The following CRKL variants were observed in gnomAD, a reference collection of about 807,000 sequenced individuals.
CRKL encodes CRK like proto-oncogene, adaptor protein.
A neutral mutation model predicts 23.0 loss-of-function variants in CRKL; 3 were observed. The ratio of observed to expected loss-of-function variants is 0.13; its 90% CI spans 0.06 to 0.34. The LOEUF (loss-of-function observed/expected upper bound fraction) is 0.34, where lower values mean the gene tolerates loss of function less well. Ranked by LOEUF, CRKL falls within the 10% of genes least tolerant of loss-of-function variation. The pLI is 1.00. For missense variants in CRKL, 256 were observed against 394.5 expected (o/e 0.65, Z 2.97); for synonymous variants, 188 against 160.7 (o/e 1.17, Z -1.28).
intron 2 of CRKL, among the ~76,000 whole-genome samples, chr22:20,937,404 A>G (rs1921704456): frequency 6.6e-6 from 1 of 150,804 alleles, no homozygotes; most frequent in African/African-American, 2.4e-5. Flanking sequence ...GCTCCCAGTC[A>G]GAATTTTAGG....
At chr22:20,928,940 G>T (rs1921335380) in intron 1 of CRKL, among the ~76,000 whole-genome samples, 2 of 151,778 alleles carry the variant, frequency 1.3e-5, no homozygotes, top group South Asian at 4.2e-4. Flanking sequence ...ATTAGCACTT[G>T]GTTTAAAGAT....
chr22:20,949,615 A>C, intron 2 of CRKL, 96 bp from the exon 3 acceptor site: 7 of 1,475,658 alleles, frequency 4.7e-6, no homozygotes, highest in East Asian at 2.3e-5. Context: ...ATAATAATGT[A>C]TGGGCCCTTT....
At position 20,951,183 on chromosome 22, in the gene CRKL, A is replaced by C. The variant is rs1922260029; in HGVS notation, c.*1338A>C. 4.3e-6 allele frequency: 1 copy of C among 232,552 alleles called. No homozygotes were observed. Among genetic ancestry groups the C allele is most frequent in the Non-Finnish European group, 8.5e-6 (1 of 117,616 alleles). The allele number at this position is 232,552 out of a possible 1,614,324, so 14.4% of individuals were successfully genotyped here. A position where few individuals can be genotyped will look rare whatever the true frequency, so the allele number is the denominator to read the frequency against. On this transcript the variant is annotated 3_prime_UTR_variant, in exon 3 of 3. Coordinates refer to ENST00000354336, the MANE Select transcript of CRKL (RefSeq NM_005207.4). The stretch of plus-strand genomic sequence containing the variant: ...ATGAATCGTTCAACTCCACTCACTG[A>C]AGCCCAGACCTCCGTGCCCAGGCCC...
At position 20,933,817 on chromosome 22, in the gene CRKL, A is replaced by C. The variant is rs936540793; in HGVS notation, c.350A>C (p.Asn117Thr). The change falls in exon 2 of 3, where the codon AAC becomes ACC. Residue 117 changes from asparagine (N) to threonine (T), a missense_variant. This residue lies in a region of CRKL where 42 missense variants were observed against 32.7 expected (regional missense o/e 1.29). Transcript: ENST00000354336. ...CCAATGGGATCTGTCTCAGCACCCA[A>C]CCTGCCTACAGCAGAAGATAACCTG... is the stretch of plus-strand genomic sequence containing the variant. The part of the protein sequence containing the change: ...SPPMGSVSAP[N>T]LPTAEDNLEY... The C allele has an allele frequency of 1.9e-6, 3 of 1,614,140 alleles. No individual in the cohort carries two copies. The highest frequency in any genetic ancestry group is 2.5e-6 in the Non-Finnish European group (3 of 1,180,004).
At chr22:20,928,812 C>CAAAAAAA (rs57896414) in intron 1 of CRKL, among the ~76,000 whole-genome samples, 4 of 81,570 alleles carry the variant, frequency 4.9e-5, no homozygotes, top group South Asian at 4.7e-4. Flanking sequence ...GATCCCATCT[C>CAAAAAAA]AAAAAAAAAA....
chr22:20,951,461 G>A lies in CRKL; in HGVS notation c.*1616G>A, dbSNP rs910254485. ...TTCATACAAGCCAACTGGTATATAC[G>A]TGTGGTTCATCCATCATCTGCTGCA... On this transcript the variant is annotated 3_prime_UTR_variant, in exon 3 of 3. Coordinates refer to ENST00000354336, the MANE Select transcript of CRKL (RefSeq NM_005207.4). 1.0e-4 allele frequency: 24 copies of A among 228,896 alleles called. No individual in the cohort carries two copies. Among genetic ancestry groups the A allele is most frequent in the Middle Eastern group, 1.3e-3 (1 of 764 alleles). 14.2% of individuals were successfully genotyped at this position (228,896 alleles called of 1,614,324 possible).
intron 1 of CRKL, among the ~76,000 whole-genome samples, chr22:20,930,448 C>T (rs1325744624): frequency 2.0e-5 from 3 of 152,144 alleles, no homozygotes; most frequent in African/African-American, 7.2e-5. Context: ...GGTGTGATCT[C>T]AGCTCATTGC....
Position 20,917,549 on chromosome 22 carries a change from C to T in CRKL, c.-386C>T. The T allele has an allele frequency of 3.5e-6, 1 of 283,110 alleles. No individual in the cohort carries two copies. Among genetic ancestry groups the T allele is most frequent in the Non-Finnish European group, 6.6e-6 (1 of 151,766 alleles). 17.5% of individuals were successfully genotyped at this position (283,110 alleles called of 1,614,324 possible). On this transcript the variant is annotated 5_prime_UTR_variant, in exon 1 of 3. It adds an upstream start codon to the 5' untranslated region. Coordinates refer to ENST00000354336, the MANE Select transcript of CRKL (RefSeq NM_005207.4). ...CCTTCGAGTTCGGTGCCTCGTGTGA[C>T]GGCGGGGGTCGGTGAAGACCCGTCG...
intron 1 of CRKL, among the ~76,000 whole-genome samples, chr22:20,928,799 C>T (rs1046635966): frequency 2.2e-4 from 23 of 106,844 alleles, no homozygotes; most frequent in African/African-American, 6.9e-4. Context: ...GGCAACAGAA[C>T]GAGATCCCAT....
At chr22:20,944,404 CGTTTT>C (rs138945386) in intron 2 of CRKL, among the ~76,000 whole-genome samples, 10,462 of 151,978 alleles carry the variant, frequency 0.069, 347 homozygotes, top group East Asian at 0.079. Flanking sequence ...AAATTATTCT[CGTTTT>C]GTTTTGTTTT....
chr22:20,932,628 CTG>C, intron 1 of CRKL, among the ~76,000 whole-genome samples: 1 of 152,148 alleles, frequency 6.6e-6, no homozygotes, highest in East Asian at 1.9e-4. Flanking sequence ...CCAGGTATCT[CTG>C]TGTAATCAAA....
intron 2 of CRKL, among the ~76,000 whole-genome samples, chr22:20,947,675 C>CTTTTTTTTT (rs1491297940): frequency 1.2e-5 from 1 of 86,014 alleles, no homozygotes; most frequent in African/African-American, 4.6e-5. Context: ...TTCTTTTTTT[C>CTTTTTTTTT]ATTTTTTTTT....
intron 2 of CRKL, among the ~76,000 whole-genome samples, chr22:20,947,508 T>G (rs144652866): frequency 6.6e-6 from 1 of 152,084 alleles, no homozygotes; most frequent in African/African-American, 2.4e-5. Context: ...CCTGGTGATT[T>G]TTGTATTTTT....
chr22:20,948,123 TTAGG>T (rs1389944449), intron 2 of CRKL, among the ~76,000 whole-genome samples: 2 of 152,186 alleles, frequency 1.3e-5, no homozygotes, highest in Non-Finnish European at 2.9e-5. Context: ...ATTTAATTGA[TTAGG>T]TAGGATCATG....
intron 1 of CRKL, among the ~76,000 whole-genome samples, chr22:20,925,049 G>A (rs1002748693): frequency 5.9e-5 from 9 of 152,142 alleles, no homozygotes; most frequent in East Asian, 3.9e-4. Context: ...CTAGCTGGGC[G>A]TGGTGGCATG....
chr22:20,927,252 A>G (rs111419783), intron 1 of CRKL, among the ~76,000 whole-genome samples: 10 of 117,108 alleles, frequency 8.5e-5, no homozygotes, highest in African/African-American at 3.5e-4. Flanking sequence ...GTGCAGTGGC[A>G]TGATCTCGGT....
At chr22:20,934,559 T>C (rs1157348921) in intron 2 of CRKL, among the ~76,000 whole-genome samples, 2 of 151,566 alleles carry the variant, frequency 1.3e-5, no homozygotes, top group Non-Finnish European at 2.9e-5. Flanking sequence ...TCACAGCTTG[T>C]TTTGTTCTGT....
rs74420214 is a variant in CRKL at position 20,941,861 on chromosome 22, T to C, written c.777+7617T>C. ...CTGCACCCGGCCCAGAAAAAAATATTTTTAAAAGGTTTTTGTTCCTCTTTC... is the reference window on the plus strand; with the variant it reads ...CTGCACCCGGCCCAGAAAAAAATATCTTTAAAAGGTTTTTGTTCCTCTTTC... On this transcript the variant is annotated intron_variant, in intron 2 of 2. Coordinates refer to ENST00000354336, the MANE Select transcript of CRKL (RefSeq NM_005207.4). Among the ~76,000 whole-genome samples, 1,122 of 151,962 alleles carry C rather than the reference T, an allele frequency of 7.4e-3. 15 individuals are homozygous for C. Among genetic ancestry groups the C allele is most frequent in the African/African-American group, 0.026 (1,059 of 41,454 alleles).
intron 2 of CRKL, among the ~76,000 whole-genome samples, chr22:20,935,659 G>C (rs1032304456): frequency 3.3e-5 from 5 of 151,086 alleles, no homozygotes; most frequent in Non-Finnish European, 7.4e-5. Context: ...CCCGAGTAGC[G>C]GGGCTACAGG....
Sources: gnomAD v4.1 joint callset for allele counts (sites outside exome capture counted in the v4.1 genomes callset) on GRCh38, gnomAD v4.1.1 for gene constraint, gnomAD v4.1.1 regional missense constraint, MANE v1.5 for transcripts, NCBI Gene and HGNC (gene_info 2026-07-23, HGNC 2026-07-21) for gene names.